Variants in PTPRD observed in about 807,000 individuals in gnomAD.
PTPRD encodes the protein protein tyrosine phosphatase receptor type D.
Under a neutral mutation model 214.5 loss-of-function variants are expected in PTPRD, and 34 were observed. The ratio of observed to expected loss-of-function variants is 0.16; its 90% confidence interval spans 0.12 to 0.21. The LOEUF is 0.21. PTPRD is among the 10% of genes least tolerant of loss of function. The pLI is 1.00. For synonymous variants in PTPRD, 1,128 were observed against 845.7 expected (o/e 1.33, Z -5.79); for missense variants, 2,545 against 2,398.7 (o/e 1.06, Z -1.27).
rs1004369661 is a variant in PTPRD at position 9,935,960 on chromosome 9, C to A, written c.-368+2547G>T. On this transcript the variant is annotated intron_variant, in intron 5 of 45. Transcript: ENST00000381196. ...CTATCTGATCTTTGACAAACCTGAC[C>A]AAAACAAGCAATGGGGAAAGGATTC... Among the ~76,000 whole-genome samples, 369 of 149,998 alleles carry A rather than the reference C, an allele frequency of 2.5e-3. 2 individuals are homozygous for A. Among genetic ancestry groups the A allele is most frequent in the African/African-American group, 7.8e-3 (311 of 40,088 alleles).
intron 4 of PTPRD, among the ~76,000 whole-genome samples, chr9:10,019,185 AT>A (rs1179049904): frequency 6.6e-6 from 1 of 152,218 alleles, no homozygotes; most frequent in African/African-American, 2.4e-5. Flanking sequence ...AATGCTCACC[AT>A]CACTGGCCAT....
intron 11 of PTPRD, among the ~76,000 whole-genome samples, chr9:8,771,197 G>C (rs1404114452): frequency 7.0e-6 from 1 of 142,194 alleles, no homozygotes; most frequent in Non-Finnish European, 1.5e-5. Flanking sequence ...AAAAAAGATA[G>C]TAGTCTTTAT....
intron 5 of PTPRD, among the ~76,000 whole-genome samples, chr9:9,927,035 T>C (rs1444205740): frequency 1.3e-5 from 2 of 152,166 alleles, no homozygotes; most frequent in East Asian, 3.9e-4. Flanking sequence ...GTTTATATTT[T>C]ATATGCCTTA....
chr9:10,506,476 A>T (rs921231813), intron 2 of PTPRD, among the ~76,000 whole-genome samples: 6 of 152,130 alleles, frequency 3.9e-5, no homozygotes, highest in African/African-American at 4.8e-5. Context: ...AAAATAGTAT[A>T]ATTGGATTGT....
chr9:8,781,840 A>G (rs1431731783), intron 11 of PTPRD, among the ~76,000 whole-genome samples: 1 of 152,150 alleles, frequency 6.6e-6, no homozygotes, highest in South Asian at 2.1e-4. Flanking sequence ...AACTTATCAC[A>G]TTGTGAAAGG....
intron 8 of PTPRD, among the ~76,000 whole-genome samples, chr9:9,484,723 G>C (rs779036855): frequency 6.6e-6 from 1 of 152,018 alleles, no homozygotes; most frequent in Admixed American, 6.6e-5. Context: ...AAAATTTTAC[G>C]AGGTCATATA....
chr9:9,123,662 C>T (rs945020814), intron 10 of PTPRD, among the ~76,000 whole-genome samples: 1 of 152,054 alleles, frequency 6.6e-6, no homozygotes, highest in Non-Finnish European at 1.5e-5. Flanking sequence ...TATACTTTCT[C>T]GAGTGAAACC....
chr9:8,560,588 G>C (rs918542880), intron 14 of PTPRD, among the ~76,000 whole-genome samples: 5 of 152,110 alleles, frequency 3.3e-5, no homozygotes, highest in African/African-American at 1.2e-4. Context: ...CTGCAGAGGA[G>C]CTGAACAAAG....
intron 5 of PTPRD, among the ~76,000 whole-genome samples, chr9:9,889,288 ACT>A (rs2072284487): frequency 6.6e-6 from 1 of 152,168 alleles, no homozygotes; most frequent in Admixed American, 6.6e-5. Flanking sequence ...AAAAATGGTA[ACT>A]CTGTGAGGTA....
chr9:9,931,690 A>G (rs1013051561), intron 5 of PTPRD, among the ~76,000 whole-genome samples: 5 of 151,230 alleles, frequency 3.3e-5, no homozygotes, highest in African/African-American at 1.2e-4. Flanking sequence ...AGGTAAACAA[A>G]GCAGCTGGGA....
chr9:9,596,692 T>C (rs567208090), intron 7 of PTPRD, among the ~76,000 whole-genome samples: 1 of 152,158 alleles, frequency 6.6e-6, no homozygotes, highest in African/African-American at 2.4e-5. Flanking sequence ...TGTAAATCAG[T>C]CCATATCCTT....
intron 11 of PTPRD, among the ~76,000 whole-genome samples, chr9:8,975,445 T>A (rs2099262995): frequency 6.6e-6 from 1 of 152,100 alleles, no homozygotes; most frequent in Non-Finnish European, 1.5e-5. Flanking sequence ...AATCTCTATG[T>A]ACATATAATT....
intron 11 of PTPRD, among the ~76,000 whole-genome samples, chr9:8,855,208 T>C (rs2097893747): frequency 6.6e-6 from 1 of 151,932 alleles, no homozygotes; most frequent in East Asian, 1.9e-4. Flanking sequence ...TAAGAACAGT[T>C]ATACAGGCCC....
intron 8 of PTPRD, among the ~76,000 whole-genome samples, chr9:9,543,739 C>T (rs972453796): frequency 4.0e-5 from 6 of 151,538 alleles, no homozygotes; most frequent in African/African-American, 1.2e-4. Flanking sequence ...AATGAATTTT[C>T]GTTCTAGGCT....
At chr9:9,990,344 C>T (rs1277613924) in intron 4 of PTPRD, among the ~76,000 whole-genome samples, 2 of 152,322 alleles carry the variant, frequency 1.3e-5, no homozygotes, top group African/African-American at 2.4e-5. Flanking sequence ...GTACAATGTA[C>T]GTTTGGCCCA....
chr9:8,744,317 G>T (rs571022198), intron 11 of PTPRD, among the ~76,000 whole-genome samples: 9 of 151,972 alleles, frequency 5.9e-5, no homozygotes, highest in African/African-American at 1.9e-4. Context: ...TAGAAGAAAA[G>T]AAGTCATTAT....
intron 5 of PTPRD, among the ~76,000 whole-genome samples, chr9:9,791,555 T>C (rs1334332157): frequency 6.6e-6 from 1 of 152,160 alleles, no homozygotes; most frequent in Admixed American, 6.5e-5. Flanking sequence ...CTATCAAGCT[T>C]ATTTAACATG....
In PTPRD at chr9:9,009,260, G is replaced by C. The variant is rs138562770; in HGVS notation, c.-104+9437C>G. 4.3e-3 allele frequency among the ~76,000 whole-genome samples: 661 copies of C among 152,150 alleles called. 4 individuals are homozygous for C. Among genetic ancestry groups the C allele is most frequent in the African/African-American group, 0.013 (550 of 41,514 alleles). On this transcript the variant is annotated intron_variant, in intron 11 of 45. Coordinates refer to ENST00000381196, the MANE Select transcript of PTPRD (RefSeq NM_002839.4). ...ACCAGGAATATGATATGCTTAAGGAGAGAGAAATTGAGAATTAATAAAAGT... is the reference window on the plus strand; with the variant it reads ...ACCAGGAATATGATATGCTTAAGGACAGAGAAATTGAGAATTAATAAAAGT...
chr9:9,983,069 A>C (rs942859363), intron 4 of PTPRD, among the ~76,000 whole-genome samples: 38 of 152,168 alleles, frequency 2.5e-4, no homozygotes, highest in African/African-American at 9.2e-4. Context: ...CCAAAAAAAA[A>C]AAAAAACTTT....
Sources: gnomAD v4.1 joint callset for allele counts (sites outside exome capture counted in the v4.1 genomes callset) on GRCh38, gnomAD v4.1.1 for gene constraint, MANE v1.5 for transcripts, NCBI Gene and HGNC (gene_info 2026-07-23, HGNC 2026-07-21) for gene names.